Variants in POU3F3 observed in about 807,000 individuals in gnomAD.
The protein encoded by POU3F3 is POU domain, class 3, transcription factor 3.
POU3F3 carries 1 observed loss-of-function variant against 8.6 expected under a neutral mutation model. That is an observed-to-expected ratio of 0.12 (90% CI 0.04 to 0.55). The LOEUF is 0.55. POU3F3 is among the 20% of genes least tolerant of loss of function. The pLI is 0.91. For missense variants in POU3F3, 577 were observed against 690.7 expected, an observed-to-expected ratio of 0.84 and a Z score of 1.84; for synonymous variants, 418 against 327.4, an observed-to-expected ratio of 1.28 and a Z score of -2.99.
chr2:104,871,158 C>A, the POU3F3 span, among the ~76,000 whole-genome samples: 1 of 152,220 alleles, frequency 6.6e-6, no homozygotes, highest in South Asian at 2.1e-4. Flanking sequence ...AGCACCCCTG[C>A]TCCATCCCAA....
At position 104,854,325 on chromosome 2, in the gene POU3F3, G is replaced by A. The variant is rs539052004; in HGVS notation, c.-1186G>A. On this transcript the variant is annotated 5_prime_UTR_variant, in exon 1 of 1. Transcript: ENST00000361360. This position sits in a 1 kb window ranked among gnomAD's most constrained non-coding sequence, Gnocchi z 4.5. ...AGCGCCCGCCGTCGGTGCACTCTACGAGCCGTGCAGCGTGCCCACTGGAGT... is the reference window on the plus strand; with the variant it reads ...AGCGCCCGCCGTCGGTGCACTCTACAAGCCGTGCAGCGTGCCCACTGGAGT... Among the ~76,000 whole-genome samples, 200 of 152,306 alleles carry A rather than the reference G, an allele frequency of 1.3e-3. 2 individuals are homozygous for A. The highest frequency in any genetic ancestry group is 6.0e-4 in the Non-Finnish European group (41 of 68,032).
chr2:104,855,885 C>T lies in POU3F3; in HGVS notation c.375C>T (p.Ser125=). 1 of 1,059,804 alleles carries T rather than the reference C, an allele frequency of 9.4e-7. No individual in the cohort carries two copies. Among genetic ancestry groups the T allele is most frequent in the East Asian group, 8.0e-5 (1 of 12,496 alleles). The allele number at this position is 1,059,804 out of a possible 1,614,324, so 65.7% of individuals were successfully genotyped here. A position where few individuals can be genotyped will look rare whatever the true frequency, so the allele number is the denominator to read the frequency against. ...AGGCGAGCTCGCCGTGGTCGGGCAGCGCCGTGGGCATGGCTGGCAGCCCCC... is the reference window on the plus strand; with the variant it reads ...AGGCGAGCTCGCCGTGGTCGGGCAGTGCCGTGGGCATGGCTGGCAGCCCCC... The part of the protein sequence containing the change: ...AVEASSPWSG[S]AVGMAGSPQQ... Residue 125 remains serine, a synonymous_variant, in exon 1 of 1, where the codon AGC becomes AGT. Transcript: ENST00000361360.
the POU3F3 span, among the ~76,000 whole-genome samples, chr2:104,918,445 A>T: frequency 6.6e-6 from 1 of 152,208 alleles, no homozygotes; most frequent in African/African-American, 2.4e-5. Context: ...GAGTCATTGC[A>T]GCTGTAATGA....
the POU3F3 span, among the ~76,000 whole-genome samples, chr2:104,879,875 G>A: frequency 5.3e-5 from 8 of 152,296 alleles, no homozygotes; most frequent in East Asian, 1.9e-4. Context: ...TTTGGGGAAC[G>A]AGCTAAGTAA....
At chr2:104,896,988 A>T in the POU3F3 span, among the ~76,000 whole-genome samples, 1 of 152,156 alleles carries the variant, frequency 6.6e-6, no homozygotes, top group Non-Finnish European at 1.5e-5. Context: ...CTACACTGGC[A>T]TTGCACCTTT....
the POU3F3 span, among the ~76,000 whole-genome samples, chr2:104,902,538 C>T: frequency 3.3e-5 from 5 of 152,152 alleles, no homozygotes; most frequent in African/African-American, 1.2e-4. Context: ...CCCTGGATTG[C>T]TGTTATAGAC....
chr2:104,900,279 C>T, the POU3F3 span, among the ~76,000 whole-genome samples: 3 of 152,142 alleles, frequency 2.0e-5, no homozygotes, highest in African/African-American at 4.8e-5. Context: ...GACACTTTAA[C>T]AACTGACACT....
the POU3F3 span, among the ~76,000 whole-genome samples, chr2:104,874,375 C>T: frequency 6.6e-6 from 1 of 152,212 alleles, no homozygotes; most frequent in South Asian, 2.1e-4. Context: ...GGGTTCCCAG[C>T]CACCGTGAGA....
At chr2:104,892,961 G>A in the POU3F3 span, among the ~76,000 whole-genome samples, 1 of 152,076 alleles carries the variant, frequency 6.6e-6, no homozygotes, top group African/African-American at 2.4e-5. Context: ...TGTACAATTC[G>A]ACTCAGGGGT....
the POU3F3 span, among the ~76,000 whole-genome samples, chr2:104,920,541 T>C: frequency 6.6e-6 from 1 of 152,118 alleles, no homozygotes; most frequent in Non-Finnish European, 1.5e-5. Flanking sequence ...AGAGCTAAGA[T>C]GTGGTCAGTA....
Position 104,856,158 on chromosome 2 carries a change from G to A in POU3F3, c.648G>A (p.Pro216=), listed in dbSNP as rs1183227806. 1 of 1,251,338 alleles carries A rather than the reference G, an allele frequency of 8.0e-7. No homozygotes were observed. Among genetic ancestry groups the A allele is most frequent in the Non-Finnish European group, 1.0e-6 (1 of 997,526 alleles). The allele number at this position is 1,251,338 out of a possible 1,614,324, so 77.5% of individuals were successfully genotyped here. A position where few individuals can be genotyped will look rare whatever the true frequency, so the allele number is the denominator to read the frequency against. The change falls in exon 1 of 1, where the codon CCG becomes CCA. Residue 216 remains proline, a synonymous_variant. Coordinates refer to ENST00000361360, the MANE Select transcript of POU3F3 (RefSeq NM_006236.3). ...CCATGGCCGGGGGCCAGCAGCCGCC[G>A]CCGCAGAGTCTGCTCTACTCGCAGC... ...LPSMAGGQQP[P]PQSLLYSQPG... is the part of the protein sequence containing the mutation.
the POU3F3 span, among the ~76,000 whole-genome samples, chr2:104,864,076 C>T: frequency 1.3e-5 from 2 of 152,342 alleles, no homozygotes; most frequent in South Asian, 4.1e-4. Flanking sequence ...GGTAAACTGC[C>T]TGTGCCTGGC....
At chr2:104,879,383 T>C in the POU3F3 span, among the ~76,000 whole-genome samples, 17 of 152,132 alleles carry the variant, frequency 1.1e-4, no homozygotes, top group South Asian at 1.9e-3. Flanking sequence ...TCATCTGAGG[T>C]AACGTGTGGC....
the POU3F3 span, among the ~76,000 whole-genome samples, chr2:104,918,789 G>A: frequency 6.6e-6 from 1 of 152,010 alleles, no homozygotes; most frequent in Non-Finnish European, 1.5e-5. Flanking sequence ...GCCCTACTAG[G>A]CTAATACATA....
the POU3F3 span, among the ~76,000 whole-genome samples, chr2:104,864,945 T>C: frequency 2.0e-5 from 3 of 152,232 alleles, no homozygotes; most frequent in Non-Finnish European, 2.9e-5. Flanking sequence ...TGTGTCTGTG[T>C]GCGCGCACAT....
At chr2:104,899,197 G>C in the POU3F3 span, among the ~76,000 whole-genome samples, 1 of 152,190 alleles carries the variant, frequency 6.6e-6, no homozygotes, top group African/African-American at 2.4e-5. Flanking sequence ...CATAAGCGAC[G>C]GATCGGCAGT....
chr2:104,882,577 T>G, the POU3F3 span, among the ~76,000 whole-genome samples: 1 of 152,166 alleles, frequency 6.6e-6, no homozygotes, highest in African/African-American at 2.4e-5. Context: ...TTTTCTTCCT[T>G]CAGCCTCACC....
chr2:104,900,055 G>C, the POU3F3 span, among the ~76,000 whole-genome samples: 1 of 152,242 alleles, frequency 6.6e-6, no homozygotes, highest in Non-Finnish European at 1.5e-5. Context: ...GATGATGTCA[G>C]ATAGTTTGTC....
the POU3F3 span, among the ~76,000 whole-genome samples, chr2:104,882,058 A>G: frequency 1.3e-5 from 2 of 152,334 alleles, no homozygotes; most frequent in African/African-American, 4.8e-5. Flanking sequence ...TGACTCACTA[A>G]AAGATTATTA....
Sources: gnomAD v4.1 joint callset for allele counts (sites outside exome capture counted in the v4.1 genomes callset) on GRCh38, gnomAD v4.1.1 for gene constraint, Gnocchi (gnomAD v3.1) non-coding constraint, MANE v1.5 for transcripts, NCBI Gene and HGNC (gene_info 2026-07-23, HGNC 2026-07-21) for gene names.